GLT8D2: variants seen among roughly 807,000 people sequenced by gnomAD.
GLT8D2 encodes glycosyltransferase 8 domain containing 2, also known as glycosyltransferase 8 domain-containing protein 2.
A neutral mutation model predicts 44.5 loss-of-function variants in GLT8D2; 45 were observed. That is an observed-to-expected ratio of 1.01 (90% CI 0.80 to 1.30). GLT8D2 has a LOEUF of 1.30. GLT8D2 is among the 50% of genes most tolerant of loss of function. GLT8D2 has a pLI of 0.00. For synonymous variants in GLT8D2, 156 were observed against 157.2 expected (o/e 0.99, Z 0.06); for missense variants, 400 against 430.4 (o/e 0.93, Z 0.62).
At chr12:104,061,703 G>A (rs1027224984) in intron 1 of GLT8D2, among the ~76,000 whole-genome samples, 3 of 152,058 alleles carry the variant, frequency 2.0e-5, no homozygotes, top group Non-Finnish European at 2.9e-5. Flanking sequence ...CTGGCCAGGC[G>A]CAGTGGTTCA....
intron 1 of GLT8D2, among the ~76,000 whole-genome samples, chr12:104,034,209 C>T (rs150693571): frequency 0.056 from 8,569 of 152,282 alleles, 388 homozygotes; most frequent in East Asian, 0.2. Context: ...TGGTCTGCAG[C>T]TCCCAGCGTG....
intron 3 of GLT8D2, among the ~76,000 whole-genome samples, chr12:104,017,769 A>G (rs1877082143): frequency 6.6e-6 from 1 of 152,078 alleles, no homozygotes; most frequent in South Asian, 2.1e-4. Flanking sequence ...TTGAAGTCAG[A>G]CTCAAATCTC....
intron 1 of GLT8D2, among the ~76,000 whole-genome samples, chr12:104,026,148 C>T (rs994026470): frequency 6.6e-6 from 1 of 151,624 alleles, no homozygotes; most frequent in East Asian, 1.9e-4. Context: ...ACGTGGTGGG[C>T]CACACCTGTA....
At chr12:104,016,774 A>AGGAAGGAAG (rs1491485247) in intron 3 of GLT8D2, among the ~76,000 whole-genome samples, 1 of 58,342 alleles carries the variant, frequency 1.7e-5, no homozygotes, top group Non-Finnish European at 3.3e-5. Flanking sequence ...AAAGAAAGAA[A>AGGAAGGAAG]GAAGGAAGGA....
In GLT8D2 at chr12:103,996,847, C is replaced by A; in HGVS notation, c.488G>T (p.Gly163Val). 1 of 1,608,384 alleles carries A rather than the reference C, an allele frequency of 6.2e-7. No individual in the cohort carries two copies. ...GGTGTCATACAGTTCTTGGATATCA[C>A]CTGAATTTAGAAACACCACCAAGTA... ...IYLDDDVIVQGDIQELYDTTL... is the reference protein window; with the variant it reads ...IYLDDDVIVQVDIQELYDTTL... The change falls in exon 8 of 11, where the codon GGT becomes GTT. Residue 163 changes from glycine to valine, a missense_variant and splice_region_variant. Gly to Val is a moderately radical substitution (Grantham distance 109). Coordinates refer to ENST00000360814, the MANE Select transcript of GLT8D2 (RefSeq NM_001384711.1).
intron 1 of GLT8D2, among the ~76,000 whole-genome samples, chr12:104,060,369 T>C (rs576254500): frequency 6.6e-6 from 1 of 152,324 alleles, no homozygotes; most frequent in East Asian, 1.9e-4. Flanking sequence ...GAAGGTACTT[T>C]ACTGTGAAAT....
chr12:104,062,946 A>G (rs1265245781), intron 1 of GLT8D2, among the ~76,000 whole-genome samples: 5 of 152,166 alleles, frequency 3.3e-5, no homozygotes, highest in East Asian at 3.8e-4. Context: ...TCAACCGCGC[A>G]TTAGATTCTC....
At chr12:104,064,407 C>A (rs1882970188), upstream of GLT8D2, 5 of 639,940 alleles carry the variant, frequency 7.8e-6, no homozygotes, top group South Asian at 1.4e-4. This position sits in a 1 kb window ranked among gnomAD's most constrained non-coding sequence, Gnocchi z 7.3. Flanking sequence ...CCTTCCCCAG[C>A]GTCTCTCCAC....
chr12:104,016,480 T>A (rs1876610539), intron 3 of GLT8D2, among the ~76,000 whole-genome samples: 1 of 151,290 alleles, frequency 6.6e-6, no homozygotes. Flanking sequence ...CTACTAAAAA[T>A]ACAAAAATTA....
chr12:104,020,287 C>T (rs900661400), intron 2 of GLT8D2, among the ~76,000 whole-genome samples: 3 of 152,170 alleles, frequency 2.0e-5, no homozygotes, highest in African/African-American at 7.2e-5. Flanking sequence ...GAGCAGATGG[C>T]AGAAACTGGA....
At chr12:103,993,078 C>T (rs1324798387) in intron 10 of GLT8D2, among the ~76,000 whole-genome samples, 3 of 152,136 alleles carry the variant, frequency 2.0e-5, no homozygotes, top group Non-Finnish European at 4.4e-5. Flanking sequence ...ATGCCGTAAT[C>T]CTAGCACTTT....
intron 1 of GLT8D2, among the ~76,000 whole-genome samples, chr12:104,036,802 C>G (rs1879974158): frequency 6.6e-6 from 1 of 152,156 alleles, no homozygotes; most frequent in East Asian, 1.9e-4. Context: ...CAGCTCTGCA[C>G]CAAGTGGACC....
intron 1 of GLT8D2, among the ~76,000 whole-genome samples, 194 bp from the exon 2 acceptor site, chr12:104,021,685 A>C (rs1877658326): frequency 6.6e-6 from 1 of 151,412 alleles, no homozygotes; most frequent in African/African-American, 2.4e-5. Context: ...GCTACTCGGG[A>C]GGTTGAGGAA....
intron 1 of GLT8D2, among the ~76,000 whole-genome samples, chr12:104,045,892 T>TAAGAAAGAAAGAAAGAAAGAAAGA (rs34932758): frequency 4.5e-5 from 5 of 112,028 alleles, no homozygotes; most frequent in East Asian, 2.9e-4. Flanking sequence ...AAAAGAAAGA[T>TAAGAAAGAAAGAAAGAAAGAAAGA]AAGAAAGAAA....
chr12:103,996,562 A>G (rs10861153), intron 8 of GLT8D2, among the ~76,000 whole-genome samples, 173 bp downstream of exon 8: 6 of 152,100 alleles, frequency 3.9e-5, no homozygotes, highest in Non-Finnish European at 8.8e-5. Flanking sequence ...TAAGGCATGG[A>G]GCTAAGATAT....
chr12:104,018,960 C>T (rs1215075615), intron 3 of GLT8D2, among the ~76,000 whole-genome samples: 1 of 152,024 alleles, frequency 6.6e-6, no homozygotes, highest in Admixed American at 6.6e-5. Flanking sequence ...TATGAAGATT[C>T]GAGATGACTC....
In GLT8D2 at chr12:103,995,640, C is replaced by T. The variant is rs533855222; in HGVS notation, c.600+1095G>A. Among the ~76,000 whole-genome samples the T allele has an allele frequency of 1.1e-4, 17 of 152,342 alleles. No individual in the cohort carries two copies. In the South Asian group the frequency reaches 3.5e-3, roughly 32 times the overall value. On this transcript the variant is annotated intron_variant, in intron 8 of 10. Transcript: ENST00000360814. ...TGAAATACACAAAAGCAGGAGTTTT[C>T]GTTTTGCTCACTATATTACTAGTAC...
chr12:104,045,347 G>A (rs533041377), intron 1 of GLT8D2, among the ~76,000 whole-genome samples: 40 of 152,276 alleles, frequency 2.6e-4, no homozygotes, highest in East Asian at 1.7e-3. Context: ...AGTGACTTCC[G>A]TGTGTGTGGT....
chr12:104,032,432 C>A (rs1879371093), intron 1 of GLT8D2, among the ~76,000 whole-genome samples: 1 of 109,112 alleles, frequency 9.2e-6, no homozygotes, highest in Non-Finnish European at 1.7e-5. Context: ...ATCCTTTTTC[C>A]ATATCAGTAT....
Sources: gnomAD v4.1 joint callset for allele counts (sites outside exome capture counted in the v4.1 genomes callset) on GRCh38, gnomAD v4.1.1 for gene constraint, Gnocchi (gnomAD v3.1) non-coding constraint, MANE v1.5 for transcripts, NCBI Gene and HGNC (gene_info 2026-07-23, HGNC 2026-07-21) for gene names.